CAMKMT: variants seen among roughly 807,000 people sequenced by gnomAD.
CAMKMT encodes the protein calmodulin-lysine N-methyltransferase.
A neutral mutation model predicts 48.0 loss-of-function variants in CAMKMT; 53 were observed. That is an observed-to-expected ratio of 1.10 (90% confidence interval 0.89 to 1.39). The LOEUF is 1.39. CAMKMT is among the 40% of genes most tolerant of loss of function. CAMKMT has a pLI of 0.00. For synonymous variants in CAMKMT, 165 were observed against 152.3 expected (o/e 1.08, Z -0.61); for missense variants, 428 against 402.7 (o/e 1.06, Z -0.54).
At chr2:44,737,754 T>TTC (rs140977311) in intron 7 of CAMKMT, among the ~76,000 whole-genome samples, 19 of 149,126 alleles carry the variant, frequency 1.3e-4, no homozygotes, top group South Asian at 6.5e-4. Context: ...CTCTCTCTCT[T>TTC]TCTCTCTCTC....
At chr2:44,472,144 A>G (rs974519688) in intron 3 of CAMKMT, among the ~76,000 whole-genome samples, 1 of 152,032 alleles carries the variant, frequency 6.6e-6, no homozygotes, top group South Asian at 2.1e-4. Flanking sequence ...AATCTCGGCT[A>G]ACTGCAAGCT....
intron 3 of CAMKMT, among the ~76,000 whole-genome samples, chr2:44,584,696 G>A (rs866299507): frequency 2.0e-5 from 3 of 152,262 alleles, no homozygotes. Flanking sequence ...TAAGCAAGAT[G>A]GAGTTCCTTC....
chr2:44,411,553 G>A (rs900521136), intron 3 of CAMKMT, among the ~76,000 whole-genome samples: 6 of 152,128 alleles, frequency 3.9e-5, no homozygotes, highest in African/African-American at 1.4e-4. Flanking sequence ...GTCTGTCGGT[G>A]CCTCATGATT....
intron 3 of CAMKMT, among the ~76,000 whole-genome samples, chr2:44,409,899 G>A (rs1683072808): frequency 6.6e-6 from 1 of 152,048 alleles, no homozygotes; most frequent in Non-Finnish European, 1.5e-5. Context: ...AGGTCCTGGG[G>A]TATAAAGAGA....
chr2:44,661,110 A>G (rs1190517555), intron 3 of CAMKMT, among the ~76,000 whole-genome samples: 2 of 152,060 alleles, frequency 1.3e-5, no homozygotes, highest in African/African-American at 2.4e-5. Context: ...TCATCTTTAT[A>G]CCATTCAATA....
chr2:44,750,830 A>C (rs767163712), intron 8 of CAMKMT, among the ~76,000 whole-genome samples: 1 of 152,222 alleles, frequency 6.6e-6, no homozygotes, highest in Non-Finnish European at 1.5e-5. Flanking sequence ...CCTGGCCAAC[A>C]TGGTGAAACC....
At chr2:44,576,911 T>C (rs937216920) in intron 3 of CAMKMT, among the ~76,000 whole-genome samples, 10 of 152,220 alleles carry the variant, frequency 6.6e-5, no homozygotes, top group Non-Finnish European at 1.3e-4. Flanking sequence ...CATTCCATTT[T>C]TGTGGAAAGA....
chr2:44,371,532 T>C (rs1679180159), intron 1 of CAMKMT, among the ~76,000 whole-genome samples: 1 of 152,210 alleles, frequency 6.6e-6, no homozygotes, highest in African/African-American at 2.4e-5. Flanking sequence ...TTTGTTTGCT[T>C]ATGAGTCTGA....
At chr2:44,684,633 G>A (rs776895843) in intron 3 of CAMKMT, among the ~76,000 whole-genome samples, 2 of 152,162 alleles carry the variant, frequency 1.3e-5, no homozygotes, top group African/African-American at 2.4e-5. Flanking sequence ...GAGCACCCAT[G>A]ACATGGTCTC....
chr2:44,508,747 C>A (rs1670386702), intron 3 of CAMKMT, among the ~76,000 whole-genome samples: 1 of 151,920 alleles, frequency 6.6e-6, no homozygotes, highest in South Asian at 2.1e-4. Flanking sequence ...TTATCAATTT[C>A]TATAATATTA....
chr2:44,397,058 C>CAA (rs59188592), intron 3 of CAMKMT, among the ~76,000 whole-genome samples: 1 of 120,428 alleles, frequency 8.3e-6, no homozygotes. Flanking sequence ...GACTCCATCT[C>CAA]AAAAAAAAAA....
intron 3 of CAMKMT, among the ~76,000 whole-genome samples, chr2:44,658,429 G>T (rs1674495861): frequency 6.6e-6 from 1 of 152,108 alleles, no homozygotes; most frequent in Non-Finnish European, 1.5e-5. Context: ...CTACACAGTG[G>T]GCTAATTGGC....
chr2:44,693,414 C>G (rs1676768797), intron 3 of CAMKMT, among the ~76,000 whole-genome samples: 1 of 152,150 alleles, frequency 6.6e-6, no homozygotes, highest in African/African-American at 2.4e-5. Context: ...TTCCACTGAC[C>G]TTATTTCCAT....
At chr2:44,490,524 C>T (rs536402990) in intron 3 of CAMKMT, among the ~76,000 whole-genome samples, 1 of 152,312 alleles carries the variant, frequency 6.6e-6, no homozygotes, top group East Asian at 1.9e-4. Flanking sequence ...ATCCACCTGC[C>T]TCGGCCTCCC....
rs550626771 is a variant in CAMKMT at position 44,380,998 on chromosome 2, A to G, written c.311+8110A>G. 5.3e-5 allele frequency among the ~76,000 whole-genome samples: 8 copies of G among 152,192 alleles called. No individual in the cohort carries two copies. In the East Asian group the frequency reaches 1.5e-3, roughly 29 times the overall value. Reference sequence around the variant, plus strand: ...AACATAGTGAAACCCCATCTCTACTAAAAATACAAAAATTAGCCGGGAGTG... The same window carrying G: ...AACATAGTGAAACCCCATCTCTACTGAAAATACAAAAATTAGCCGGGAGTG... On this transcript the variant is annotated intron_variant, in intron 2 of 10. Transcript: ENST00000378494.
At chr2:44,765,836 A>G (rs372369971) in intron 9 of CAMKMT, among the ~76,000 whole-genome samples, 23 of 152,358 alleles carry the variant, frequency 1.5e-4, no homozygotes, top group East Asian at 1.2e-3. Flanking sequence ...GAGGGATTCA[A>G]TAAAGTTGGA....
chr2:44,408,468 C>T (rs1032362254), intron 3 of CAMKMT, among the ~76,000 whole-genome samples: 5 of 151,978 alleles, frequency 3.3e-5, no homozygotes, highest in African/African-American at 1.2e-4. Flanking sequence ...AGGCATTGAC[C>T]TCTTTTATTA....
rs755628176 is a variant in CAMKMT, at chr2:44,771,986, G to C, written c.895-50G>C. 3 of 1,232,158 alleles carry C rather than the reference G, an allele frequency of 2.4e-6. No homozygotes were observed. In the South Asian group the frequency reaches 3.7e-5, roughly 15 times the overall value. The allele number at this position is 1,232,158 out of a possible 1,614,324, so 76.3% of individuals were successfully genotyped here. A position where few individuals can be genotyped will look rare whatever the true frequency, so the allele number is the denominator to read the frequency against. On this transcript the variant is annotated intron_variant, in intron 10 of 10. Transcript: ENST00000378494. ...CTCAACATTAATATTGACTGGTAAA[G>C]ATCCCTAATTGGAGTCCCCTTACCT...
At chr2:44,484,643 A>G (rs1669126937) in intron 3 of CAMKMT, among the ~76,000 whole-genome samples, 1 of 151,854 alleles carries the variant, frequency 6.6e-6, no homozygotes. Flanking sequence ...ATTAATGCAT[A>G]AGAATATCTT....
Sources: gnomAD v4.1 joint callset for allele counts (sites outside exome capture counted in the v4.1 genomes callset) on GRCh38, gnomAD v4.1.1 for gene constraint, MANE v1.5 for transcripts, NCBI Gene and HGNC (gene_info 2026-07-23, HGNC 2026-07-21) for gene names.